ACTR8: variants seen among roughly 807,000 people sequenced by gnomAD.
The protein encoded by ACTR8 is actin related protein 8, also known as actin-related protein 8.
In ACTR8, 70 loss-of-function variants were observed where a neutral mutation model predicts 84.3. The observed-to-expected ratio is 0.83, with a 90% confidence interval of 0.68 to 1.01. The LOEUF (loss-of-function observed/expected upper bound fraction) is 1.01, where lower values mean the gene tolerates loss of function less well. Ranked by LOEUF, ACTR8 falls within the 50% of genes least tolerant of loss-of-function variation. The pLI, the probability that ACTR8 is intolerant of heterozygous loss-of-function variation, is 0.00. For synonymous variants in ACTR8, 268 were observed against 275.2 expected (o/e 0.97, Z 0.26); for missense variants, 672 against 775.4 (o/e 0.87, Z 1.58).
At chr3:53,881,043 G>A (rs1028851923) in intron 1 of ACTR8, among the ~76,000 whole-genome samples, 1 of 152,198 alleles carries the variant, frequency 6.6e-6, no homozygotes, top group Non-Finnish European at 1.5e-5. Flanking sequence ...ATCTGGCAAG[G>A]CCCTTACAGA....
At chr3:53,860,351 G>GT in the ACTR8 span, 1 of 691,008 alleles carries the variant, frequency 1.4e-6, no homozygotes, top group Admixed American at 2.6e-5. Context: ...TAGCATTTAT[G>GT]TAATACCTTC....
chr3:53,863,881 G>A (rs1217434693), downstream of ACTR8, among the ~76,000 whole-genome samples: 1 of 149,622 alleles, frequency 6.7e-6, no homozygotes, highest in Non-Finnish European at 1.5e-5. Flanking sequence ...GGAGTGGAAT[G>A]GTGTGATCTT....
At chr3:53,865,400 C>A, downstream of ACTR8, 3 of 950,178 alleles carry the variant, frequency 3.2e-6, no homozygotes, top group Non-Finnish European at 3.1e-6. Flanking sequence ...TACTATGCAG[C>A]CTACAAACAG....
At position 53,881,978 on chromosome 3, in the gene ACTR8, C is replaced by A; in HGVS notation, c.123+1G>T. 6.4e-7 allele frequency: 1 copy of A among 1,554,900 alleles called. No homozygotes were observed. Among genetic ancestry groups the A allele is most frequent in the Non-Finnish European group, 8.7e-7 (1 of 1,148,436 alleles). Reference sequence around the variant, plus strand: ...GAGTTCCAACCCAGCCAGAGCCGCACCTCTTGCAGCGACTCCGGCACCAGC... The same window carrying A: ...GAGTTCCAACCCAGCCAGAGCCGCAACTCTTGCAGCGACTCCGGCACCAGC... On this transcript the variant is annotated splice_donor_variant, in intron 1 of 12. Transcript: ENST00000335754. LOFTEE classifies it high-confidence loss of function.
intron 1 of ACTR8, among the ~76,000 whole-genome samples, chr3:53,880,943 C>T (rs1056033475): frequency 4.6e-5 from 7 of 152,238 alleles, no homozygotes; most frequent in African/African-American, 1.7e-4. Context: ...CCATTCCATG[C>T]CATGCTCTGA....
downstream of ACTR8, among the ~76,000 whole-genome samples, chr3:53,866,447 C>T (rs1699781094): frequency 6.6e-6 from 1 of 152,090 alleles, no homozygotes; most frequent in Admixed American, 6.6e-5. Context: ...TGTCTTCCAA[C>T]TTTTTACTCT....
At chr3:53,872,292 A>C in intron 10 of ACTR8, 92 bp downstream of exon 10, 1 of 1,341,234 alleles carries the variant, frequency 7.5e-7, no homozygotes, top group Non-Finnish European at 9.9e-7. Flanking sequence ...TTATGCTGGA[A>C]GATAGAACTG....
In ACTR8 at chr3:53,871,294, G is replaced by A. The variant is rs776360774; in HGVS notation, c.1505C>T (p.Ser502Leu). Residue 502 changes from serine (S) to leucine (L), a missense_variant, in exon 11 of 13, where the codon TCG (serine) becomes TTG (leucine). By Grantham distance (145) the Ser-to-Leu change is moderately radical (BLOSUM62 -2). Transcript: ENST00000335754. ...TALMSRKTAI[S>L]LFEGKALGLD... ...GCCCAGGGCTTTTCCTTCAAACAGC[G>A]AGATGGCAGTCTTCCTGGACATCAG... 2.1e-5 allele frequency: 34 copies of A among 1,614,228 alleles called. No homozygotes were observed. The highest frequency in any genetic ancestry group is 1.5e-4 in the South Asian group (14 of 91,084).
chr3:53,866,413 A>T (rs536695456), downstream of ACTR8, among the ~76,000 whole-genome samples: 1 of 152,288 alleles, frequency 6.6e-6, no homozygotes, highest in Admixed American at 6.5e-5. Context: ...CCACAGAATG[A>T]CAGAACATAA....
chr3:53,860,110 A>C, the ACTR8 span: 1 of 1,583,650 alleles, frequency 6.3e-7, no homozygotes, highest in Non-Finnish European at 8.7e-7. Context: ...CCAAAGGTGA[A>C]TAAGCTTTGT....
chr3:53,877,587 GA>G, intron 4 of ACTR8, 59 bp downstream of exon 4: 1 of 1,547,424 alleles, frequency 6.5e-7, no homozygotes, highest in East Asian at 2.3e-5. Flanking sequence ...CAACGTAAAT[GA>G]ATTTTAGGAG....
rs148652386 is a variant in ACTR8, at chr3:53,877,349, G to T, written c.549C>A (p.His183Gln). The part of the protein sequence containing the change: ...YVNPLDCYNI[H>Q]WPIRRGQLNI... Reference sequence around the variant, plus strand: ...TTAACTGACCTCTTCTGATAGGCCAGTGAATATTGTAACAGTCCAGTGGAT... The same window carrying T: ...TTAACTGACCTCTTCTGATAGGCCATTGAATATTGTAACAGTCCAGTGGAT... Residue 183 changes from histidine to glutamine, a missense_variant, in exon 5 of 13, where the codon CAC becomes CAA. Transcript: ENST00000335754. 4.3e-6 allele frequency: 7 copies of T among 1,613,612 alleles called. No homozygotes were observed. The African/African-American group carries it at 9.3e-5, about 22-fold the overall frequency.
In ACTR8 at chr3:53,881,902, C is replaced by T. The variant is rs935762893; in HGVS notation, c.123+77G>A. Reference sequence around the variant, plus strand: ...GCCTGCAAGGGGGACTCGAAGCCTCCCGCCGCCTCCCGCCCCTTGCCTGGC... The same window carrying T: ...GCCTGCAAGGGGGACTCGAAGCCTCTCGCCGCCTCCCGCCCCTTGCCTGGC... On this transcript the variant is annotated intron_variant, in intron 1 of 12. Transcript: ENST00000335754. 9.7e-6 allele frequency: 15 copies of T among 1,544,118 alleles called. 1 individual carries two copies. In the Middle Eastern group the frequency reaches 6.1e-4, roughly 62 times the overall value.
At chr3:53,863,611 A>G (rs1699652928), downstream of ACTR8, among the ~76,000 whole-genome samples, 1 of 152,150 alleles carries the variant, frequency 6.6e-6, no homozygotes, top group South Asian at 2.1e-4. Flanking sequence ...ACAGCACCGT[A>G]TAGGGCAGAA....
At position 53,879,702 on chromosome 3, in the gene ACTR8, G is replaced by A. The variant is rs79769606; in HGVS notation, c.294+237C>T. ...GTATTACTGTGAGTGATGATTTTGT[G>A]TCTTCCATTATAGATCACCTTCATC... On this transcript the variant is annotated intron_variant, in intron 2 of 12. Coordinates refer to ENST00000335754, the MANE Select transcript of ACTR8 (RefSeq NM_022899.5). Among the ~76,000 whole-genome samples the A allele has an allele frequency of 1.3e-5, 2 of 152,106 alleles. 1 individual carries two copies. The highest frequency in any genetic ancestry group is 3.8e-4 in the East Asian group (2 of 5,204).
Position 53,870,860 on chromosome 3 carries a change from C to T in ACTR8, c.1567+372G>A, listed in dbSNP as rs765037255. 5.3e-5 allele frequency among the ~76,000 whole-genome samples: 8 copies of T among 152,104 alleles called. No homozygotes were observed. Among genetic ancestry groups the T allele is most frequent in the Non-Finnish European group, 7.3e-5 (5 of 68,028 alleles). Reference sequence around the variant, plus strand: ...TTCCTCAAGGAAGCTTTCCCTGCCTCCCACCTTCCATACCATCCCCTAGTG... The same window carrying T: ...TTCCTCAAGGAAGCTTTCCCTGCCTTCCACCTTCCATACCATCCCCTAGTG... On this transcript the variant is annotated intron_variant, in intron 11 of 12. Coordinates refer to ENST00000335754, the MANE Select transcript of ACTR8 (RefSeq NM_022899.5). The surrounding 1 kb of genome is among the most constrained non-coding windows in gnomAD (Gnocchi z 4.1).
At chr3:53,860,495 G>A in the ACTR8 span, 2 of 289,026 alleles carry the variant, frequency 6.9e-6, no homozygotes, top group Admixed American at 4.7e-5. Flanking sequence ...TACTGAAATG[G>A]GCAAAAGATG....
At chr3:53,869,474 C>T (rs1699850959) in intron 12 of ACTR8, among the ~76,000 whole-genome samples, 1 of 152,194 alleles carries the variant, frequency 6.6e-6, no homozygotes, top group Admixed American at 6.5e-5. Flanking sequence ...AATAGATCCC[C>T]ACAATCCCTC....
At chr3:53,865,297 T>C (rs1484764563), downstream of ACTR8, 1 of 1,604,150 alleles carries the variant, frequency 6.2e-7, no homozygotes, top group African/African-American at 1.3e-5. Flanking sequence ...CGATGGCTGC[T>C]GCTCCTTGTA....
Sources: allele counts gnomAD v4.1 joint callset (sites outside exome capture counted in the v4.1 genomes callset), GRCh38; gene constraint gnomAD v4.1.1; non-coding constraint Gnocchi (gnomAD v3.1); transcripts MANE v1.5; gene names NCBI Gene and HGNC (gene_info 2026-07-23, HGNC 2026-07-21).